SH2D4A: variants seen among roughly 807,000 people sequenced by gnomAD.
SH2D4A encodes the protein SH2 domain containing 4A.
A neutral mutation model predicts 64.7 loss-of-function variants in SH2D4A; 70 were observed. The ratio of observed to expected loss-of-function variants is 1.08; its 90% CI spans 0.89 to 1.32. The LOEUF is 1.32. Ranked by LOEUF, SH2D4A falls within the 40% of genes most tolerant of loss-of-function variation. The pLI is 0.00. For synonymous variants in SH2D4A, 268 were observed against 200.7 expected (o/e 1.34, Z -2.83); for missense variants, 706 against 540.1 (o/e 1.31, Z -3.04).
chr8:19,383,393 GTT>G (rs1243294785), intron 8 of SH2D4A, among the ~76,000 whole-genome samples: 1 of 141,636 alleles, frequency 7.1e-6, no homozygotes. Flanking sequence ...TTTGTTCTTG[GTT>G]TTTTTTTTTT....
intron 8 of SH2D4A, among the ~76,000 whole-genome samples, chr8:19,380,062 G>A (rs1485849683): frequency 6.6e-6 from 1 of 151,886 alleles, no homozygotes; most frequent in Non-Finnish European, 1.5e-5. Flanking sequence ...CTCTTTCATA[G>A]CAACCATCCT....
chr8:19,320,060 G>T (rs6997245), intron 2 of SH2D4A, among the ~76,000 whole-genome samples: 115,450 of 152,070 alleles, frequency 0.76, 43,929 homozygotes, highest in Middle Eastern at 0.84. Flanking sequence ...TTCCTAATAT[G>T]CTACTACTAG....
chr8:19,343,296 G>T (rs2052557335), intron 4 of SH2D4A, among the ~76,000 whole-genome samples: 1 of 152,092 alleles, frequency 6.6e-6, no homozygotes, highest in Non-Finnish European at 1.5e-5. Flanking sequence ...AGCAGGACAT[G>T]CTGGTGCACA....
At chr8:19,387,861 G>A (rs1325245214) in intron 8 of SH2D4A, among the ~76,000 whole-genome samples, 2 of 152,276 alleles carry the variant, frequency 1.3e-5, no homozygotes, top group South Asian at 2.1e-4. Context: ...AGAACTGTGT[G>A]GCACATAATA....
chr8:19,366,790 TCAA>T (rs1419387777), intron 7 of SH2D4A, among the ~76,000 whole-genome samples: 6 of 152,142 alleles, frequency 3.9e-5, no homozygotes, highest in Admixed American at 1.3e-4. Flanking sequence ...AGACTCTGTC[TCAA>T]CAACAACAAA....
chr8:19,343,262 A>T (rs1486978430), intron 4 of SH2D4A, among the ~76,000 whole-genome samples: 4 of 152,098 alleles, frequency 2.6e-5, no homozygotes, highest in African/African-American at 4.8e-5. Flanking sequence ...CTGTCTCTAC[A>T]GAAATTAAAA....
intron 7 of SH2D4A, among the ~76,000 whole-genome samples, chr8:19,371,380 A>G (rs1379610088): frequency 1.3e-5 from 2 of 151,518 alleles, no homozygotes; most frequent in East Asian, 3.9e-4. Context: ...CAGTCTCAGC[A>G]TGTATCATCT....
intron 1 of SH2D4A, chr8:19,314,047 GTCCGGT>G: frequency 8.2e-7 from 1 of 1,213,690 alleles, no homozygotes; most frequent in Non-Finnish European, 1.0e-6. Flanking sequence ...GGTGTCCGGT[GTCCGGT>G]GTCCGGTGTC....
intron 8 of SH2D4A, among the ~76,000 whole-genome samples, chr8:19,380,253 A>G (rs953994517): frequency 5.3e-5 from 8 of 152,188 alleles, no homozygotes; most frequent in African/African-American, 1.2e-4. Flanking sequence ...TTTTCTATAC[A>G]GTATATTCTG....
At chr8:19,347,955 C>G (rs2117247430) in intron 4 of SH2D4A, among the ~76,000 whole-genome samples, 1 of 152,336 alleles carries the variant, frequency 6.6e-6, no homozygotes, top group African/African-American at 2.4e-5. Context: ...GCTTTCCACA[C>G]TGCCCCAAGG....
chr8:19,393,472 C>G lies in SH2D4A; in HGVS notation c.1203C>G (p.Asp401Glu), dbSNP rs371332467. 10 of 1,614,108 alleles carry G rather than the reference C, an allele frequency of 6.2e-6. No homozygotes were observed. Among genetic ancestry groups the G allele is most frequent in the African/African-American group, 1.3e-5 (1 of 74,936 alleles). ...ATTTCCTCATCGATGCCTCTGCAGA[C>G]GCCTACAGCTTCCTGGGCGTGGACC... is the stretch of plus-strand genomic sequence containing the variant. ...CKHFLIDASADAYSFLGVDQL... is the reference protein window; with the variant it reads ...CKHFLIDASAEAYSFLGVDQL... Residue 401 changes from aspartate (D) to glutamate (E), a missense_variant, in exon 9 of 10, where the codon GAC (aspartate) becomes GAG (glutamate). By Grantham distance (45) the Asp-to-Glu change is conservative (BLOSUM62 2). Coordinates refer to ENST00000265807, the MANE Select transcript of SH2D4A (RefSeq NM_022071.4).
At chr8:19,363,478 A>G (rs2052928436) in intron 6 of SH2D4A, among the ~76,000 whole-genome samples, 1 of 152,156 alleles carries the variant, frequency 6.6e-6, no homozygotes, top group South Asian at 2.1e-4. Context: ...TAGTGACTGT[A>G]ATATTAAAAG....
intron 2 of SH2D4A, among the ~76,000 whole-genome samples, chr8:19,332,230 AG>A (rs1282476941): frequency 6.6e-6 from 1 of 152,234 alleles, no homozygotes; most frequent in African/African-American, 2.4e-5. Context: ...TCTGGGTTAC[AG>A]GGAGATAGTT....
chr8:19,385,434 C>G (rs1043473650), intron 8 of SH2D4A, among the ~76,000 whole-genome samples: 2 of 152,156 alleles, frequency 1.3e-5, no homozygotes, highest in Admixed American at 6.5e-5. Context: ...CTTCTGACTT[C>G]AAGTGATCCA....
intron 4 of SH2D4A, among the ~76,000 whole-genome samples, chr8:19,336,287 G>A (rs1433635421): frequency 2.0e-5 from 3 of 152,156 alleles, no homozygotes; most frequent in African/African-American, 7.2e-5. Context: ...ATGTTTGGTT[G>A]TGTCATTAAT....
chr8:19,351,489 G>C (rs2052704038), intron 4 of SH2D4A, among the ~76,000 whole-genome samples: 1 of 152,090 alleles, frequency 6.6e-6, no homozygotes, highest in Non-Finnish European at 1.5e-5. Context: ...TGTAGTCCCA[G>C]CTACTCGGGA....
chr8:19,361,809 T>C (rs1173638823), intron 6 of SH2D4A, among the ~76,000 whole-genome samples: 5 of 152,204 alleles, frequency 3.3e-5, no homozygotes, highest in African/African-American at 1.2e-4. Flanking sequence ...GTTTTGGATT[T>C]TTTTTCCCCT....
At position 19,332,952 on chromosome 8, in the gene SH2D4A, C is replaced by T. The variant is rs1257337172; in HGVS notation, c.182-3C>T. On this transcript the variant is annotated splice_region_variant and splice_polypyrimidine_tract_variant and intron_variant, in intron 2 of 9. Coordinates refer to ENST00000265807, the MANE Select transcript of SH2D4A (RefSeq NM_022071.4). ...AATTTTTTGTTTGTGTGTTTGTTTG[C>T]AGAGAATGGCAAATCGGTTCATTGG... 6.2e-7 allele frequency: 1 copy of T among 1,607,364 alleles called. No homozygotes were observed. The highest frequency in any genetic ancestry group is 8.5e-7 in the Non-Finnish European group (1 of 1,178,332).
intron 4 of SH2D4A, among the ~76,000 whole-genome samples, chr8:19,335,157 G>A (rs897115119): frequency 7.2e-5 from 11 of 152,110 alleles, no homozygotes; most frequent in South Asian, 2.1e-4. Flanking sequence ...GCGTGGTGGC[G>A]GGCGCCTGCA....
Sources: allele counts gnomAD v4.1 joint callset (sites outside exome capture counted in the v4.1 genomes callset), GRCh38; gene constraint gnomAD v4.1.1; transcripts MANE v1.5; gene names NCBI Gene and HGNC (gene_info 2026-07-23, HGNC 2026-07-21).